DNAH5: variants seen among roughly 807,000 people sequenced by gnomAD.
The protein encoded by DNAH5 is axonemal beta dynein heavy chain 5.
Under a neutral mutation model 518.2 loss-of-function variants are expected in DNAH5, and 372 were observed. The observed-to-expected ratio is 0.72, with a 90% confidence interval of 0.66 to 0.78. The LOEUF (loss-of-function observed/expected upper bound fraction) is 0.78, where lower values mean the gene tolerates loss of function less well. DNAH5 is among the 30% of genes least tolerant of loss of function. The pLI is 0.00. For synonymous variants in DNAH5, 2,039 were observed against 2,025.9 expected (o/e 1.01, Z -0.17); for missense variants, 5,523 against 5,687.0 (o/e 0.97, Z 0.93).
chr5:13,872,925 A>G (rs1457976477), intron 22 of DNAH5, among the ~76,000 whole-genome samples: 1 of 152,182 alleles, frequency 6.6e-6, no homozygotes, highest in Non-Finnish European at 1.5e-5. Flanking sequence ...ACAGAGCAGA[A>G]TGATAGATAA....
At chr5:13,941,492 G>A (rs954958955) in intron 1 of DNAH5, among the ~76,000 whole-genome samples, 4 of 152,220 alleles carry the variant, frequency 2.6e-5, no homozygotes, top group Non-Finnish European at 4.4e-5. Context: ...GGCCAAACAG[G>A]TCTGGGCCTG....
chr5:13,787,145 C>T lies in DNAH5; in HGVS notation c.8648-794G>A, dbSNP rs545444753. On this transcript the variant is annotated intron_variant, in intron 51 of 78. Transcript: ENST00000265104. ...TGAGGCAGGAGAATCGTCAGGAGGC[C>T]GAGGTTGCCATAAGCCAAGCCTGCA... Among the ~76,000 whole-genome samples, 25 of 150,566 alleles carry T rather than the reference C, an allele frequency of 1.7e-4. No homozygotes were observed. The South Asian group carries it at 3.2e-3, about 19-fold the overall frequency.
chr5:13,987,641 T>TC (rs1199393985), intron 1 of DNAH5, among the ~76,000 whole-genome samples: 1 of 151,932 alleles, frequency 6.6e-6, no homozygotes, highest in East Asian at 1.9e-4. Context: ...TCACCTGACG[T>TC]CAGGAGTTCA....
upstream of DNAH5, among the ~76,000 whole-genome samples, chr5:13,947,648 C>G (rs988620430): frequency 6.6e-6 from 1 of 152,178 alleles, no homozygotes; most frequent in Non-Finnish European, 1.5e-5. Flanking sequence ...ATTTTGCTCT[C>G]AATTTCTGAG....
chr5:13,936,525 T>C (rs1215417567), intron 1 of DNAH5, among the ~76,000 whole-genome samples: 1 of 152,206 alleles, frequency 6.6e-6, no homozygotes, highest in Admixed American at 6.5e-5. Context: ...ATTTTGTCTC[T>C]AGGCTTATAA....
intron 1 of DNAH5, among the ~76,000 whole-genome samples, chr5:13,954,014 T>C (rs914040799): frequency 6.6e-5 from 10 of 152,176 alleles, no homozygotes; most frequent in African/African-American, 2.2e-4. Flanking sequence ...GGCCAGTTCC[T>C]GTTTTAATAG....
In DNAH5 at chr5:13,792,083, T is replaced by C; in HGVS notation, c.8359A>G (p.Lys2787Glu). 6.2e-7 allele frequency: 1 copy of C among 1,614,082 alleles called. No individual in the cohort carries two copies. The highest frequency in any genetic ancestry group is 8.5e-7 in the Non-Finnish European group (1 of 1,179,996). The stretch of plus-strand genomic sequence containing the variant: ...CGTAGGTTAAACACATAATGGAATT[T>C]TGCAGGGGTAGGAAGCATTTTAATC... ...TKIKMLPTPA[K>E]FHYVFNLRDL... Residue 2787 changes from lysine (K) to glutamate (E), a missense_variant, in exon 50 of 79, where the codon AAA becomes GAA. By Grantham distance (56) the Lys-to-Glu change is moderately conservative (BLOSUM62 1). This residue lies in a region of DNAH5 where 5,121 missense variants were observed against 5,223.3 expected (regional missense o/e 0.98). Transcript: ENST00000265104.
chr5:13,728,754 T>C (rs1227189092), intron 69 of DNAH5, among the ~76,000 whole-genome samples: 1 of 152,172 alleles, frequency 6.6e-6, no homozygotes, highest in Non-Finnish European at 1.5e-5. Flanking sequence ...AGCCTTCAAC[T>C]TATAGCTGGA....
intron 77 of DNAH5, 61 bp from the exon 78 acceptor site, chr5:13,700,932 T>A: frequency 1.3e-6 from 2 of 1,519,498 alleles, no homozygotes; most frequent in South Asian, 1.1e-5. Context: ...AGAAAGAGCA[T>A]AACAATAATG....
chr5:13,829,593 T>G lies in DNAH5; in HGVS notation c.6361A>C (p.Ser2121Arg), dbSNP rs748970539. The stretch of plus-strand genomic sequence containing the variant: ...ACAACGTTGTCAATGAAGCCACAAC[T>G]AGCCAACTTCACCCTTATGATAATC... ...RQIIIRVKLA[S>R]CGFIDNVVLA... Residue 2121 changes from serine (S) to arginine (R), a missense_variant, in exon 38 of 79, where the codon AGT (serine) becomes CGT (arginine). Coordinates refer to ENST00000265104, the MANE Select transcript of DNAH5 (RefSeq NM_001369.3). 1.2e-6 allele frequency: 2 copies of G among 1,614,098 alleles called. No individual in the cohort carries two copies. The highest frequency in any genetic ancestry group is 1.7e-6 in the Non-Finnish European group (2 of 1,180,042).
rs35058767 is a variant in DNAH5, at chr5:13,810,332, G to A, written c.7408-72C>T. 0.38 allele frequency: 501,568 copies of A among 1,309,838 alleles called. 98,730 individuals are homozygous for A. Among genetic ancestry groups the A allele is most frequent in the East Asian group, 0.57 (22,793 of 39,696 alleles). The allele number at this position is 1,309,838 out of a possible 1,614,324, so 81.1% of individuals were successfully genotyped here. ...AAACGTTGCTCTAGGGTTTCAATGG[G>A]AACAGTAAACATAGAAACAAGACAC... On this transcript the variant is annotated intron_variant, in intron 44 of 78. Coordinates refer to ENST00000265104, the MANE Select transcript of DNAH5 (RefSeq NM_001369.3).
At chr5:13,853,064 T>C (rs1388445565) in intron 30 of DNAH5, among the ~76,000 whole-genome samples, 1 of 152,202 alleles carries the variant, frequency 6.6e-6, no homozygotes, top group Non-Finnish European at 1.5e-5. Context: ...GACCCCGTGC[T>C]TCCTGACAGG....
chr5:13,703,434 G>C (rs1325691811), intron 76 of DNAH5, among the ~76,000 whole-genome samples: 1 of 152,054 alleles, frequency 6.6e-6, no homozygotes, highest in African/African-American at 2.4e-5. Flanking sequence ...TTTGAACCTG[G>C]GTATTCTGGC....
chr5:13,904,240 GAAGT>G (rs1214189874), intron 12 of DNAH5, among the ~76,000 whole-genome samples: 17 of 150,880 alleles, frequency 1.1e-4, no homozygotes, highest in Admixed American at 4.0e-4. Flanking sequence ...ATAGATTGTA[GAAGT>G]AACTCTATAC....
chr5:13,797,996 T>G (rs369395494), intron 47 of DNAH5, among the ~76,000 whole-genome samples: 2 of 150,112 alleles, frequency 1.3e-5, no homozygotes, highest in Non-Finnish European at 3.0e-5. Flanking sequence ...TAGGTGGGAA[T>G]TGAACAATGA....
chr5:13,988,010 T>C (rs1019311868), intron 1 of DNAH5, among the ~76,000 whole-genome samples: 9 of 152,146 alleles, frequency 5.9e-5, no homozygotes, highest in Admixed American at 2.0e-4. Context: ...AAAGAAGCCA[T>C]TTCATGGGAA....
At chr5:13,752,375 G>A in intron 63 of DNAH5, 86 bp from the exon 64 acceptor site, 1 of 1,421,808 alleles carries the variant, frequency 7.0e-7, no homozygotes, top group Non-Finnish European at 9.9e-7. Context: ...GAAGCCTAAA[G>A]CATTCTACTG....
At chr5:13,840,782 C>CA in intron 34 of DNAH5, 124 bp downstream of exon 34, 1 of 771,998 alleles carries the variant, frequency 1.3e-6, no homozygotes, top group South Asian at 1.6e-5. Context: ...TGATTACAAA[C>CA]ATGATTCTTT....
chr5:13,742,621 C>A (rs1206038653), intron 65 of DNAH5, among the ~76,000 whole-genome samples: 1 of 151,930 alleles, frequency 6.6e-6, no homozygotes, highest in Non-Finnish European at 1.5e-5. Context: ...CCATTCAATT[C>A]TTGATAAAGC....
Sources: allele counts gnomAD v4.1 joint callset (sites outside exome capture counted in the v4.1 genomes callset), GRCh38; gene constraint gnomAD v4.1.1; regional missense constraint gnomAD v4.1.1; transcripts MANE v1.5; gene names NCBI Gene and HGNC (gene_info 2026-07-23, HGNC 2026-07-21).